SKI: variants seen among roughly 807,000 people sequenced by gnomAD.
The protein encoded by SKI is ski oncogene.
A neutral mutation model predicts 59.3 loss-of-function variants in SKI; 23 were observed. The ratio of observed to expected loss-of-function variants is 0.39; its 90% CI spans 0.28 to 0.55. SKI has a LOEUF of 0.55. Ranked by LOEUF, SKI falls within the 20% of genes least tolerant of loss-of-function variation. The pLI, the probability that SKI is intolerant of heterozygous loss-of-function variation, is 0.67. For missense variants in SKI, 1,017 were observed against 1,038.9 expected, an observed-to-expected ratio of 0.98 and a Z score of 0.29; for synonymous variants, 673 against 488.6, an observed-to-expected ratio of 1.38 and a Z score of -4.98.
At chr1:2,280,063 C>T (rs1222212418) in intron 1 of SKI, among the ~76,000 whole-genome samples, 3 of 152,156 alleles carry the variant, frequency 2.0e-5, no homozygotes, top group African/African-American at 7.2e-5. Flanking sequence ...TCCACCTGAA[C>T]CCCCTCTGGA....
rs903910 is a variant in SKI at position 2,268,730 on chromosome 1, T to C, written c.970-34248T>C. Among the ~76,000 whole-genome samples the C allele has an allele frequency of 0.75, 113,387 of 152,146 alleles. 42,611 individuals are homozygous for C. The highest frequency in any genetic ancestry group is 0.86 in the East Asian group (4,411 of 5,144). ...GAGCAGCGTGCCCAGGGGCTGTAGG[T>C]GCAGTCCAGGGAGAGGCCATGACAG... On this transcript the variant is annotated intron_variant, in intron 1 of 6. Coordinates refer to ENST00000378536, the MANE Select transcript of SKI (RefSeq NM_003036.4). The surrounding 1 kb of genome is among the most constrained non-coding windows in gnomAD (Gnocchi z 5.0).
intron 6 of SKI, 125 bp from the exon 7 acceptor site, chr1:2,306,452 G>C: frequency 9.1e-7 from 1 of 1,093,782 alleles, no homozygotes; most frequent in Non-Finnish European, 1.3e-6. Context: ...AGCAGGTGGA[G>C]GAGGGGCCGG....
chr1:2,274,894 G>C (rs1227421201), intron 1 of SKI, among the ~76,000 whole-genome samples: 1 of 152,214 alleles, frequency 6.6e-6, no homozygotes, highest in Non-Finnish European at 1.5e-5. Flanking sequence ...TCAGCAGAGG[G>C]GACAAGACCC....
Position 2,303,687 on chromosome 1 carries a change from T to TA in SKI, c.1212-152dup. 1 of 1,097,312 alleles carries TA rather than the reference T, an allele frequency of 9.1e-7. No individual in the cohort carries two copies. The highest frequency in any genetic ancestry group is 1.3e-6 in the Non-Finnish European group (1 of 759,942). 68.0% of individuals were successfully genotyped at this position (1,097,312 alleles called of 1,614,324 possible). The stretch of plus-strand genomic sequence containing the variant: ...AGAGACCCAGCAAGCAGAAAACGCT[T>TA]ACGGGTTCTTAGGGAACTGTAAGCT... On this transcript the variant is annotated intron_variant, in intron 3 of 6. Transcript: ENST00000378536. The surrounding 1 kb of genome is among the most constrained non-coding windows in gnomAD (Gnocchi z 5.6).
At chr1:2,237,875 G>A (rs1425989600) in intron 1 of SKI, among the ~76,000 whole-genome samples, 1 of 152,222 alleles carries the variant, frequency 6.6e-6, no homozygotes, top group East Asian at 1.9e-4. Flanking sequence ...GGAGGCTGGC[G>A]CCCTCTGTGG....
intron 1 of SKI, among the ~76,000 whole-genome samples, chr1:2,234,933 C>T (rs766968505): frequency 2.0e-5 from 3 of 152,148 alleles, no homozygotes; most frequent in African/African-American, 7.2e-5. Context: ...GGGGGGCTGC[C>T]TGGGGACCAG....
intron 1 of SKI, among the ~76,000 whole-genome samples, chr1:2,230,551 G>T (rs1397441444): frequency 6.6e-6 from 1 of 152,176 alleles, no homozygotes; most frequent in African/African-American, 2.4e-5. Flanking sequence ...CCTCTGAAAC[G>T]CAGAGGGGTG....
Position 2,241,347 on chromosome 1 carries a change from A to G in SKI, c.969+11612A>G, listed in dbSNP as rs112441326. ...TTCACCAGTTATCCACAGCTCACTC[A>G]TTTTGTTTCATCCAACTCCCTCTCC... On this transcript the variant is annotated intron_variant, in intron 1 of 6. Transcript: ENST00000378536. 3.4e-3 allele frequency among the ~76,000 whole-genome samples: 511 copies of G among 152,138 alleles called. 4 individuals are homozygous for G. The highest frequency in any genetic ancestry group is 0.012 in the African/African-American group (493 of 41,506).
chr1:2,233,914 C>A (rs922312363), intron 1 of SKI, among the ~76,000 whole-genome samples: 1 of 152,204 alleles, frequency 6.6e-6, no homozygotes, highest in Non-Finnish European at 1.5e-5. Flanking sequence ...GCTGTGCTCT[C>A]CCAGACACCC....
intron 1 of SKI, among the ~76,000 whole-genome samples, chr1:2,249,898 C>T (rs1227315666): frequency 1.3e-5 from 2 of 151,660 alleles, no homozygotes; most frequent in South Asian, 2.1e-4. Flanking sequence ...TTGCAGCTTG[C>T]ATCTTTTGGC....
intron 1 of SKI, among the ~76,000 whole-genome samples, chr1:2,291,356 C>T (rs961952627): frequency 6.6e-6 from 1 of 152,190 alleles, no homozygotes; most frequent in Non-Finnish European, 1.5e-5. Context: ...GGTTTCAAAT[C>T]TGGGGTCTGT....
intron 1 of SKI, among the ~76,000 whole-genome samples, chr1:2,285,182 T>C (rs1170663128): frequency 6.6e-6 from 1 of 152,006 alleles, no homozygotes; most frequent in East Asian, 1.9e-4. Context: ...TCAGCTGCCT[T>C]TTTGACATGC....
chr1:2,296,924 A>G (rs1640300815), intron 1 of SKI, among the ~76,000 whole-genome samples: 1 of 152,154 alleles, frequency 6.6e-6, no homozygotes, highest in African/African-American at 2.4e-5. Context: ...GCACAGAAAC[A>G]GTCTTTGCAG....
At chr1:2,264,345 C>T (rs1464853427) in intron 1 of SKI, among the ~76,000 whole-genome samples, 1 of 152,168 alleles carries the variant, frequency 6.6e-6, no homozygotes, top group Non-Finnish European at 1.5e-5. Flanking sequence ...TCTCGGCTCA[C>T]TGCAACCTCT....
intron 1 of SKI, among the ~76,000 whole-genome samples, chr1:2,236,079 G>T (rs765923117): frequency 6.6e-6 from 1 of 152,186 alleles, no homozygotes; most frequent in East Asian, 1.9e-4. Context: ...GCTCTGCCTC[G>T]GTGCCTCTGC....
intron 1 of SKI, among the ~76,000 whole-genome samples, chr1:2,244,105 A>C (rs1362403370): frequency 2.0e-5 from 3 of 151,976 alleles, no homozygotes; most frequent in African/African-American, 7.2e-5. Context: ...AGCTGGGTCT[A>C]CAGGTGCCCG....
rs1164366896 is a variant in SKI at position 2,307,646 on chromosome 1, G to A, written c.*881G>A. 2.6e-5 allele frequency: 4 copies of A among 152,540 alleles called. No individual in the cohort carries two copies. The highest frequency in any genetic ancestry group is 2.0e-4 in the Admixed American group (3 of 15,290). The allele number at this position is 152,540 out of a possible 1,614,324, so 9.4% of individuals were successfully genotyped here. A position where few individuals can be genotyped will look rare whatever the true frequency, so the allele number is the denominator to read the frequency against. On this transcript the variant is annotated 3_prime_UTR_variant, in exon 7 of 7. Transcript: ENST00000378536. ...GCAAACGTCGCTCCCTTCATTTTGG[G>A]ACTGAGGCTGCAGCATTGGAACAAA...
chr1:2,228,744 G>T lies in SKI; in HGVS notation c.-23G>T, dbSNP rs1638559443. 7.2e-6 allele frequency: 8 copies of T among 1,114,950 alleles called. No individual in the cohort carries two copies. Among genetic ancestry groups the T allele is most frequent in the Non-Finnish European group, 8.8e-6 (8 of 910,768 alleles). 69.1% of individuals were successfully genotyped at this position (1,114,950 alleles called of 1,614,324 possible). A position where few individuals can be genotyped will look rare whatever the true frequency, so the allele number is the denominator to read the frequency against. On this transcript the variant is annotated 5_prime_UTR_variant, in exon 1 of 7. Coordinates refer to ENST00000378536, the MANE Select transcript of SKI (RefSeq NM_003036.4). ...GGCCCGGGCGCGCGGGAGCGGGAGC[G>T]GCCGGGGGAGCCGGAGCGCACCATG...
In SKI at chr1:2,270,094, G is replaced by A. The variant is rs566835516; in HGVS notation, c.970-32884G>A. Among the ~76,000 whole-genome samples, 76 of 152,264 alleles carry A rather than the reference G, an allele frequency of 5.0e-4. 1 individual carries two copies. The highest frequency in any genetic ancestry group is 3.4e-3 in the Middle Eastern group (1 of 294). On this transcript the variant is annotated intron_variant, in intron 1 of 6. Coordinates refer to ENST00000378536, the MANE Select transcript of SKI (RefSeq NM_003036.4). This position sits in a 1 kb window ranked among gnomAD's most constrained non-coding sequence, Gnocchi z 4.1. ...TGAGCCTGCCTGTCCCCCACGGATTGGAGTTTTGCCCAGGGGTGCTGTGCC... is the reference window on the plus strand; with the variant it reads ...TGAGCCTGCCTGTCCCCCACGGATTAGAGTTTTGCCCAGGGGTGCTGTGCC...
Sources: gnomAD v4.1 joint callset for allele counts (sites outside exome capture counted in the v4.1 genomes callset) on GRCh38, gnomAD v4.1.1 for gene constraint, Gnocchi (gnomAD v3.1) non-coding constraint, MANE v1.5 for transcripts, NCBI Gene and HGNC (gene_info 2026-07-23, HGNC 2026-07-21) for gene names.